UNC5D: variants seen among roughly 807,000 people sequenced by gnomAD.
UNC5D encodes the protein netrin receptor UNC5D.
UNC5D carries 39 observed loss-of-function variants against 105.4 expected under a neutral mutation model. The observed-to-expected ratio is 0.37, with a 90% CI of 0.29 to 0.48. UNC5D has a LOEUF of 0.48. Among genes scored for constraint, UNC5D ranks in the 20% least tolerant of loss-of-function variants. UNC5D has a pLI of 0.98. For synonymous variants in UNC5D, 452 were observed against 450.4 expected, an observed-to-expected ratio of 1.00 and a Z score of -0.04; for missense variants, 991 against 1,202.4, an observed-to-expected ratio of 0.82 and a Z score of 2.60.
At chr8:35,304,560 G>A (rs1808198775) in intron 1 of UNC5D, among the ~76,000 whole-genome samples, 1 of 152,026 alleles carries the variant, frequency 6.6e-6, no homozygotes, top group African/African-American at 2.4e-5. Context: ...CATTTATGCT[G>A]TAAGTGCACA....
intron 15 of UNC5D, 67 bp downstream of exon 15, chr8:35,767,133 C>T: frequency 6.7e-7 from 1 of 1,496,556 alleles, no homozygotes; most frequent in Non-Finnish European, 9.0e-7. Flanking sequence ...TAAAGCTATA[C>T]CTACCAGCCG....
intron 3 of UNC5D, among the ~76,000 whole-genome samples, chr8:35,581,611 A>G (rs1818472157): frequency 6.6e-6 from 1 of 152,172 alleles, no homozygotes; most frequent in Non-Finnish European, 1.5e-5. Context: ...TGGAATTGGA[A>G]TGTTCTTAAC....
At chr8:35,308,690 T>C (rs1350643012) in intron 1 of UNC5D, among the ~76,000 whole-genome samples, 1 of 152,148 alleles carries the variant, frequency 6.6e-6, no homozygotes, top group African/African-American at 2.4e-5. Flanking sequence ...ATGTTTATAC[T>C]AGAATTACAA....
intron 1 of UNC5D, among the ~76,000 whole-genome samples, chr8:35,368,557 T>G (rs1046492980): frequency 3.8e-4 from 58 of 150,666 alleles, no homozygotes; most frequent in African/African-American, 1.3e-3. Flanking sequence ...AATGTAAATT[T>G]AAGATAATAT....
intron 1 of UNC5D, among the ~76,000 whole-genome samples, chr8:35,248,188 TAA>T (rs1803313300): frequency 3.2e-5 from 2 of 61,784 alleles, no homozygotes; most frequent in Non-Finnish European, 5.4e-5. Context: ...ATATAATATA[TAA>T]ATATATATTA....
Position 35,424,538 on chromosome 8 carries a change from G to A in UNC5D, c.104-124754G>A, listed in dbSNP as rs1397467958. ...GAGCTAAGAAGTGTGTGTTTCTTGT[G>A]TCAGCTACAGAATCTTCTACAAAGC... On this transcript the variant is annotated intron_variant, in intron 1 of 16. Transcript: ENST00000404895. Among the ~76,000 whole-genome samples, 2 of 152,192 alleles carry A rather than the reference G, an allele frequency of 1.3e-5. 1 individual carries two copies. The highest frequency in any genetic ancestry group is 4.8e-5 in the African/African-American group (2 of 41,448).
chr8:35,702,560 T>C (rs1035381967), intron 7 of UNC5D, among the ~76,000 whole-genome samples: 11 of 152,200 alleles, frequency 7.2e-5, no homozygotes, highest in Non-Finnish European at 1.5e-4. Flanking sequence ...GAGAATGTAG[T>C]TGATCAAGGA....
chr8:35,591,240 T>C (rs1227495353), intron 3 of UNC5D, among the ~76,000 whole-genome samples: 1 of 151,550 alleles, frequency 6.6e-6, no homozygotes, highest in Non-Finnish European at 1.5e-5. Flanking sequence ...AAAAATTAGC[T>C]CCTATGCTTT....
At chr8:35,705,060 T>G (rs112653251) in intron 7 of UNC5D, among the ~76,000 whole-genome samples, 8,542 of 146,492 alleles carry the variant, frequency 0.058, 487 homozygotes, top group African/African-American at 0.13. Context: ...GCCCCCTGGG[T>G]TTCAAGCCAT....
chr8:35,511,804 G>C (rs567505619), intron 1 of UNC5D, among the ~76,000 whole-genome samples: 35 of 152,176 alleles, frequency 2.3e-4, no homozygotes, highest in African/African-American at 8.2e-4. Flanking sequence ...TACGTTCAAA[G>C]CCGTCCTGGG....
chr8:35,544,353 C>G (rs1174918754), intron 1 of UNC5D: 3 of 1,567,866 alleles, frequency 1.9e-6, no homozygotes, highest in East Asian at 2.3e-5. Flanking sequence ...CAGTGAGGAA[C>G]GTTTTCTGCC....
chr8:35,416,009 A>G (rs1226385843), intron 1 of UNC5D, among the ~76,000 whole-genome samples: 1 of 152,118 alleles, frequency 6.6e-6, no homozygotes, highest in African/African-American at 2.4e-5. Context: ...CACTTACGTG[A>G]TGCAACATTC....
intron 3 of UNC5D, among the ~76,000 whole-genome samples, chr8:35,583,948 A>G (rs1818618900): frequency 6.6e-6 from 1 of 152,096 alleles, no homozygotes; most frequent in African/African-American, 2.4e-5. Flanking sequence ...TTCTTGTCAA[A>G]GGAAATGGTG....
intron 4 of UNC5D, among the ~76,000 whole-genome samples, chr8:35,645,765 A>G (rs1038945094): frequency 1.3e-5 from 2 of 152,054 alleles, no homozygotes; most frequent in African/African-American, 4.8e-5. Context: ...TCTTGAGGGT[A>G]TTGTTCTCTT....
chr8:35,613,909 A>T (rs1216336378), intron 4 of UNC5D, among the ~76,000 whole-genome samples: 3 of 152,192 alleles, frequency 2.0e-5, no homozygotes, highest in Non-Finnish European at 4.4e-5. Flanking sequence ...TTACTTTCAG[A>T]ATGTCTTTGA....
At chr8:35,308,947 G>C (rs976376098) in intron 1 of UNC5D, among the ~76,000 whole-genome samples, 1 of 152,126 alleles carries the variant, frequency 6.6e-6, no homozygotes, top group African/African-American at 2.4e-5. Context: ...CATGAAGCTT[G>C]TGTCAACTGG....
At chr8:35,255,676 G>A (rs3108625) in intron 1 of UNC5D, 54,401 of 151,928 alleles carry the variant, frequency 0.36, 10,703 homozygotes, top group Non-Finnish European at 0.43. Context: ...TGTTTAGTTA[G>A]AATATTTACT....
chr8:35,357,115 T>C (rs2128914695), intron 1 of UNC5D, among the ~76,000 whole-genome samples: 1 of 152,294 alleles, frequency 6.6e-6, no homozygotes, highest in South Asian at 2.1e-4. Context: ...CTACAGTCTC[T>C]TAATTGATTT....
intron 1 of UNC5D, among the ~76,000 whole-genome samples, chr8:35,443,843 G>T (rs1232801276): frequency 6.6e-6 from 1 of 151,776 alleles, no homozygotes; most frequent in Non-Finnish European, 1.5e-5. Context: ...ATATATATTA[G>T]CTGATCATCT....
Sources: allele counts gnomAD v4.1 joint callset (sites outside exome capture counted in the v4.1 genomes callset), GRCh38; gene constraint gnomAD v4.1.1; transcripts MANE v1.5; gene names NCBI Gene and HGNC (gene_info 2026-07-23, HGNC 2026-07-21).